Variants in MMP26 observed in about 807,000 individuals in gnomAD.
MMP26 encodes matrix metalloproteinase-26.
MMP26 carries 33 observed loss-of-function variants against 31.0 expected under a neutral mutation model. The observed-to-expected ratio is 1.06, with a 90% CI of 0.81 to 1.42. The LOEUF (loss-of-function observed/expected upper bound fraction) is 1.42, where lower values mean the gene tolerates loss of function less well. Ranked by LOEUF, MMP26 falls within the 40% of genes most tolerant of loss-of-function variation. MMP26 has a pLI of 0.00. For synonymous variants in MMP26, 122 were observed against 114.9 expected, an observed-to-expected ratio of 1.06 and a Z score of -0.40; for missense variants, 347 against 316.1, an observed-to-expected ratio of 1.10 and a Z score of -0.74.
At chr11:4,988,490 A>G (rs2133649507) in intron 3 of MMP26, among the ~76,000 whole-genome samples, 180 bp downstream of exon 3, 1 of 152,240 alleles carries the variant, frequency 6.6e-6, no homozygotes, top group African/African-American at 2.4e-5. Flanking sequence ...GAAAAAAATT[A>G]ATTTTTTGTA....
chr11:4,800,354 A>G (rs1383477590), intron 2 of MMP26, among the ~76,000 whole-genome samples: 6 of 152,224 alleles, frequency 3.9e-5, no homozygotes, highest in Non-Finnish European at 5.9e-5. Flanking sequence ...GGCACACTCT[A>G]GAGTGGCAGC....
intron 1 of MMP26, among the ~76,000 whole-genome samples, chr11:4,740,950 G>T (rs1436662690): frequency 1.3e-5 from 2 of 152,108 alleles, no homozygotes; most frequent in African/African-American, 4.8e-5. Flanking sequence ...ATTAGCTTTT[G>T]TTGCAATTGC....
chr11:4,937,246 A>T (rs567514488), intron 2 of MMP26: 52 of 152,290 alleles, frequency 3.4e-4, no homozygotes, highest in African/African-American at 1.2e-3. Context: ...ACTCCATCTG[A>T]CTATAAAATA....
chr11:4,956,516 A>T (rs1327276698), intron 2 of MMP26, among the ~76,000 whole-genome samples: 1 of 152,200 alleles, frequency 6.6e-6, no homozygotes, highest in Non-Finnish European at 1.5e-5. Context: ...AATTCTCTGC[A>T]AAAGCTTGGA....
intron 2 of MMP26, chr11:4,804,516 A>T: frequency 1.3e-6 from 1 of 793,004 alleles, no homozygotes; most frequent in East Asian, 2.4e-5. Flanking sequence ...TTTGATTATA[A>T]ACTAGAATAA....
intron 2 of MMP26, among the ~76,000 whole-genome samples, chr11:4,881,332 T>C (rs113241644): frequency 2.4e-4 from 36 of 152,296 alleles, no homozygotes; most frequent in African/African-American, 8.4e-4. Flanking sequence ...ATAACTGATA[T>C]CTGCTTTATA....
intron 2 of MMP26, among the ~76,000 whole-genome samples, chr11:4,964,675 T>C (rs1846565787): frequency 6.6e-6 from 1 of 152,048 alleles, no homozygotes; most frequent in Non-Finnish European, 1.5e-5. Flanking sequence ...ACCTAAATGC[T>C]CACAAATGAT....
rs201238790 is a variant in MMP26, at chr11:4,914,862, G to A, written c.-144-73206G>A. On this transcript the variant is annotated intron_variant, in intron 2 of 7. Transcript: ENST00000380390. ...AGGTGGGGTGCCTGCTTTCCAAAGC[G>A]ATGGATGACAGAGAGGCCAATCATG... The A allele has an allele frequency of 7.8e-5, 126 of 1,613,980 alleles. 1 individual carries two copies. In the Admixed American group the frequency reaches 8.0e-4, roughly 10 times the overall value.
intron 2 of MMP26, among the ~76,000 whole-genome samples, chr11:4,777,847 T>G (rs1848808926): frequency 6.6e-6 from 1 of 152,120 alleles, no homozygotes; most frequent in Admixed American, 6.6e-5. Context: ...TCCATCCTGT[T>G]GTTGATGGAT....
chr11:4,907,976 G>T, intron 2 of MMP26: 1 of 1,614,104 alleles, frequency 6.2e-7, no homozygotes, highest in Non-Finnish European at 8.5e-7. Context: ...CTTCTTCATT[G>T]CTCTCTGTAC....
chr11:4,808,884 G>A (rs746060204), intron 2 of MMP26, among the ~76,000 whole-genome samples: 10 of 149,556 alleles, frequency 6.7e-5, no homozygotes, highest in Non-Finnish European at 8.9e-5. Flanking sequence ...GCTGACCTAC[G>A]GAATCTAGTG....
chr11:4,943,730 A>C (rs530631439), intron 2 of MMP26: 1 of 355,588 alleles, frequency 2.8e-6, no homozygotes, highest in Non-Finnish European at 5.6e-6. Flanking sequence ...TTGAGATTTT[A>C]ATCCTCCAAA....
intron 2 of MMP26, among the ~76,000 whole-genome samples, chr11:4,785,557 A>G (rs1232686400): frequency 6.6e-6 from 1 of 152,070 alleles, no homozygotes; most frequent in Non-Finnish European, 1.5e-5. Flanking sequence ...CTCATAATTG[A>G]CTTTACTTAC....
chr11:4,815,263 G>A (rs1469163650), intron 2 of MMP26, among the ~76,000 whole-genome samples: 1 of 152,088 alleles, frequency 6.6e-6, no homozygotes, highest in Non-Finnish European at 1.5e-5. Context: ...GTGAGCAAAG[G>A]GATGGCTTCC....
intron 2 of MMP26, among the ~76,000 whole-genome samples, chr11:4,852,431 T>C (rs1421488432): frequency 6.6e-6 from 1 of 152,156 alleles, no homozygotes; most frequent in Non-Finnish European, 1.5e-5. Context: ...TGTGAAGAAC[T>C]GTAGGCTGGG....
intron 2 of MMP26, chr11:4,821,666 C>G: frequency 6.2e-7 from 1 of 1,614,116 alleles, no homozygotes. Context: ...ACACTTTCTA[C>G]TACCCTTGGT....
At chr11:4,715,806 G>T (rs1197182329) in intron 1 of MMP26, among the ~76,000 whole-genome samples, 1 of 152,084 alleles carries the variant, frequency 6.6e-6, no homozygotes, top group African/African-American at 2.4e-5. Context: ...CCATGCCTTG[G>T]GTGTGTGAGT....
rs1252851906 is a variant in MMP26, at chr11:4,804,123, G to C, written c.-145+36782G>C. The C allele has an allele frequency of 1.2e-5, 19 of 1,613,994 alleles. No homozygotes were observed. In the Middle Eastern group the frequency reaches 6.6e-4, roughly 56 times the overall value. On this transcript the variant is annotated intron_variant, in intron 2 of 7. Coordinates refer to ENST00000380390, the MANE Select transcript of MMP26 (RefSeq NM_021801.5). ...TCTCATGAGCATGAAACCAGAATATGGCCAACATCTTAGGTTGAGTGGAGG... is the reference window on the plus strand; with the variant it reads ...TCTCATGAGCATGAAACCAGAATATCGCCAACATCTTAGGTTGAGTGGAGG...
chr11:4,977,652 T>C (rs1846756052), intron 2 of MMP26, among the ~76,000 whole-genome samples: 1 of 152,138 alleles, frequency 6.6e-6, no homozygotes, highest in Non-Finnish European at 1.5e-5. Flanking sequence ...ACTTCAGTAA[T>C]AAATTCTGGA....
Sources: gnomAD v4.1 joint callset for allele counts (sites outside exome capture counted in the v4.1 genomes callset) on GRCh38, gnomAD v4.1.1 for gene constraint, MANE v1.5 for transcripts, NCBI Gene and HGNC (gene_info 2026-07-23, HGNC 2026-07-21) for gene names.